Variants in FGF12 observed in about 807,000 individuals in gnomAD.
The protein encoded by FGF12 is fibroblast growth factor 12B.
Under a neutral mutation model 23.6 loss-of-function variants are expected in FGF12, and 14 were observed. The ratio of observed to expected loss-of-function variants is 0.59; its 90% CI spans 0.39 to 0.93. The LOEUF (loss-of-function observed/expected upper bound fraction) is 0.93, where lower values mean the gene tolerates loss of function less well. Among genes scored for constraint, FGF12 ranks in the 40% least tolerant of loss-of-function variants. FGF12 has a pLI of 0.00. For missense variants in FGF12, 175 were observed against 217.8 expected, an observed-to-expected ratio of 0.80 and a Z score of 1.24; for synonymous variants, 62 against 77.3, an observed-to-expected ratio of 0.80 and a Z score of 1.04.
rs73066594 is a variant in FGF12, at chr3:192,331,550, T to A, written c.228+3811A>T. 2.9e-3 allele frequency among the ~76,000 whole-genome samples: 436 copies of A among 152,194 alleles called. 1 individual carries two copies. The highest frequency in any genetic ancestry group is 9.9e-3 in the African/African-American group (413 of 41,528). ...ATCCTGTCATATTCTACAACACAGA[T>A]GAATGTTGAGAACATTACGCTAAGT... On this transcript the variant is annotated intron_variant, in intron 4 of 5. Coordinates refer to ENST00000445105, the MANE Select transcript of FGF12 (RefSeq NM_004113.6).
At chr3:192,598,282 T>C (rs1053083643) in intron 2 of FGF12, among the ~76,000 whole-genome samples, 2 of 152,208 alleles carry the variant, frequency 1.3e-5, no homozygotes, top group East Asian at 3.9e-4. Flanking sequence ...TTGCATTGTC[T>C]ATGCATTATT....
intron 2 of FGF12, among the ~76,000 whole-genome samples, chr3:192,400,325 T>G (rs1160071200): frequency 6.6e-6 from 1 of 151,900 alleles, no homozygotes; most frequent in African/African-American, 2.4e-5. Context: ...TGTAAAACCA[T>G]TAAACAATAA....
intron 2 of FGF12, among the ~76,000 whole-genome samples, chr3:192,464,499 GGTGTGTGTGTGTGTGTGTGTGTGTGTGT>G (rs34803297): frequency 9.8e-5 from 13 of 132,674 alleles, no homozygotes; most frequent in Admixed American, 7.6e-5. Context: ...AGTATTCCAT[GGTGTGTGTGTGTGTGTGTGTGTGTGTGT>G]GTGTGTGTGT....
At chr3:192,447,196 C>T (rs77092347) in intron 2 of FGF12, among the ~76,000 whole-genome samples, 3,997 of 152,168 alleles carry the variant, frequency 0.026, 140 homozygotes, top group African/African-American at 0.083. Context: ...GGCTGATAAC[C>T]GATGCTTGAA....
At chr3:192,376,166 A>G (rs1006367244) in intron 2 of FGF12, among the ~76,000 whole-genome samples, 3 of 151,728 alleles carry the variant, frequency 2.0e-5, no homozygotes, top group Non-Finnish European at 4.4e-5. Context: ...TATATTTCCT[A>G]TCTCTTAAAA....
intron 2 of FGF12, among the ~76,000 whole-genome samples, chr3:192,717,459 C>G (rs1203174522): frequency 6.6e-6 from 1 of 152,168 alleles, no homozygotes; most frequent in African/African-American, 2.4e-5. Flanking sequence ...AGTTATCTTT[C>G]CAAATGTCCT....
intron 2 of FGF12, among the ~76,000 whole-genome samples, chr3:192,681,892 T>A (rs574829859): frequency 2.2e-4 from 34 of 152,246 alleles, no homozygotes; most frequent in Admixed American, 6.5e-4. Context: ...CTGCATTTTT[T>A]AAAAATTTGT....
At chr3:192,693,439 A>G (rs1443204513) in intron 2 of FGF12, among the ~76,000 whole-genome samples, 8 of 152,180 alleles carry the variant, frequency 5.3e-5, no homozygotes, top group Admixed American at 5.2e-4. Flanking sequence ...TGGAACAACA[A>G]AAGTCCCTGA....
At chr3:192,490,678 T>C (rs898673147) in intron 2 of FGF12, among the ~76,000 whole-genome samples, 2 of 152,090 alleles carry the variant, frequency 1.3e-5, no homozygotes, top group East Asian at 1.9e-4. Context: ...AAAAGGATAA[T>C]GTGTGGTATG....
chr3:192,240,208 C>T (rs971868318), intron 4 of FGF12, among the ~76,000 whole-genome samples: 2 of 152,158 alleles, frequency 1.3e-5, no homozygotes, highest in Non-Finnish European at 2.9e-5. Context: ...TTCAACACCA[C>T]ACGATGACTG....
At chr3:192,693,047 A>G (rs1266611253) in intron 2 of FGF12, among the ~76,000 whole-genome samples, 1 of 152,122 alleles carries the variant, frequency 6.6e-6, no homozygotes, top group Admixed American at 6.5e-5. Context: ...TTATGTAGAA[A>G]ACCCTAAAGA....
At position 192,143,271 on chromosome 3, in the gene FGF12, G is replaced by A. The variant is rs1245817695; in HGVS notation, c.*738C>T. The A allele has an allele frequency of 6.7e-6, 1 of 148,856 alleles. No individual in the cohort carries two copies. The highest frequency in any genetic ancestry group is 2.0e-4 in the East Asian group (1 of 5,120). 9.2% of individuals were successfully genotyped at this position (148,856 alleles called of 1,614,324 possible). A position where few individuals can be genotyped will look rare whatever the true frequency, so the allele number is the denominator to read the frequency against. On this transcript the variant is annotated 3_prime_UTR_variant, in exon 6 of 6. Coordinates refer to ENST00000445105, the MANE Select transcript of FGF12 (RefSeq NM_004113.6). ...GAAGAACTCCGGAAATAATATCTTT[G>A]ATAAAAATGTTATACTCTAGGATAA...
At chr3:192,204,852 G>T (rs116686815) in intron 4 of FGF12, among the ~76,000 whole-genome samples, 1,577 of 151,932 alleles carry the variant, frequency 0.01, 31 homozygotes, top group African/African-American at 0.036. Flanking sequence ...CACCAAGACT[G>T]TACTCCAGCC....
intron 2 of FGF12, among the ~76,000 whole-genome samples, chr3:192,570,667 CA>C (rs1207386188): frequency 1.1e-4 from 17 of 152,104 alleles, no homozygotes; most frequent in African/African-American, 3.6e-4. Context: ...GTCTACAGCA[CA>C]TCTAGTAGTA....
Position 192,160,224 on chromosome 3 carries a change from A to G in FGF12, c.427+10234T>C, listed in dbSNP as rs925661340. On this transcript the variant is annotated intron_variant, in intron 5 of 5. Transcript: ENST00000445105. Reference sequence around the variant, plus strand: ...TTCACTGCAATTCTGCTCAAAATCTATAATGAATCCCCATCACATTAACCA... The same window carrying G: ...TTCACTGCAATTCTGCTCAAAATCTGTAATGAATCCCCATCACATTAACCA... Among the ~76,000 whole-genome samples, 4 of 152,180 alleles carry G rather than the reference A, an allele frequency of 2.6e-5. No individual in the cohort carries two copies. In the East Asian group the frequency reaches 5.8e-4, roughly 22 times the overall value.
rs74523076 is a variant in FGF12 at position 192,239,363 on chromosome 3, A to T, written c.229-68707T>A. Reference sequence around the variant, plus strand: ...TTAAAGAAGTAGGAACAAATCCCTGATCTCTTACACTGAATTGTGGTGAAC... The same window carrying T: ...TTAAAGAAGTAGGAACAAATCCCTGTTCTCTTACACTGAATTGTGGTGAAC... On this transcript the variant is annotated intron_variant, in intron 4 of 5. Coordinates refer to ENST00000445105, the MANE Select transcript of FGF12 (RefSeq NM_004113.6). Among the ~76,000 whole-genome samples the T allele has an allele frequency of 8.7e-3, 1,322 of 152,306 alleles. 17 individuals carry two copies. Among genetic ancestry groups the T allele is most frequent in the African/African-American group, 0.03 (1,261 of 41,558 alleles).
intron 4 of FGF12, among the ~76,000 whole-genome samples, chr3:192,221,322 C>G (rs1718464286): frequency 3.9e-5 from 6 of 152,106 alleles, no homozygotes; most frequent in Admixed American, 3.9e-4. Context: ...CTCTTAGGCT[C>G]TTATATGCAA....
At chr3:192,505,268 C>T (rs1724258672) in intron 2 of FGF12, among the ~76,000 whole-genome samples, 1 of 152,190 alleles carries the variant, frequency 6.6e-6, no homozygotes, top group East Asian at 1.9e-4. Context: ...TCATTAGAAA[C>T]AGCACAGAAA....
At chr3:192,445,513 C>T (rs1722327005) in intron 2 of FGF12, among the ~76,000 whole-genome samples, 1 of 152,176 alleles carries the variant, frequency 6.6e-6, no homozygotes, top group Non-Finnish European at 1.5e-5. Context: ...CTAGAAAATT[C>T]AAACAGATGC....
Sources: allele counts gnomAD v4.1 joint callset (sites outside exome capture counted in the v4.1 genomes callset), GRCh38; gene constraint gnomAD v4.1.1; transcripts MANE v1.5; gene names NCBI Gene and HGNC (gene_info 2026-07-23, HGNC 2026-07-21).